The following TNFSF13B variants were observed in gnomAD, a reference collection of about 807,000 sequenced individuals.
TNFSF13B encodes the protein tumor necrosis factor ligand superfamily member 13B.
In TNFSF13B, 8 loss-of-function variants were observed where a neutral mutation model predicts 29.1. That is an observed-to-expected ratio of 0.27 (90% confidence interval 0.16 to 0.50). The LOEUF (loss-of-function observed/expected upper bound fraction) is 0.50, where lower values mean the gene tolerates loss of function less well. TNFSF13B is among the 20% of genes least tolerant of loss of function. The probability of loss-of-function intolerance (pLI) is 0.98; values close to 1 mark genes in which losing one functional copy is unlikely to be tolerated. For missense variants in TNFSF13B, 248 were observed against 334.9 expected (o/e 0.74, Z 2.03); for synonymous variants, 125 against 130.8 (o/e 0.96, Z 0.30).
intron 3 of TNFSF13B, among the ~76,000 whole-genome samples, chr13:108,291,321 A>T (rs1468801623): frequency 6.6e-6 from 1 of 151,902 alleles, no homozygotes; most frequent in African/African-American, 2.4e-5. Context: ...AATTAAGAAA[A>T]ATACCCTCAT....
rs575754716 is a variant in TNFSF13B at position 108,299,250 on chromosome 13, C to T, written c.482-4003C>T. On this transcript the variant is annotated intron_variant, in intron 3 of 5. Coordinates refer to ENST00000375887, the MANE Select transcript of TNFSF13B (RefSeq NM_006573.5). ...TTAGATCACTGGTAGAAAAGTGATT[C>T]GCTATTGAGTATTAATCTTGTAATA... Among the ~76,000 whole-genome samples, 81 of 145,626 alleles carry T rather than the reference C, an allele frequency of 5.6e-4. 10 individuals are homozygous for T. Among genetic ancestry groups the T allele is most frequent in the African/African-American group, 1.8e-3 (71 of 38,844 alleles).
At position 108,269,954 on chromosome 13, in the gene TNFSF13B, A is replaced by G; in HGVS notation, c.59A>G (p.Glu20Gly). 6.2e-7 allele frequency: 1 copy of G among 1,613,722 alleles called. No individual in the cohort carries two copies. Among genetic ancestry groups the G allele is most frequent in the Non-Finnish European group, 8.5e-7 (1 of 1,180,012 alleles). Residue 20 changes from glutamate to glycine, a missense_variant, in exon 1 of 6, where the codon GAA (glutamate) becomes GGA (glycine). This residue lies in a region of TNFSF13B where 186 missense variants were observed against 196.3 expected (regional missense o/e 0.95). Transcript: ENST00000375887. ...CTTACTTCTTGCCTTAAGAAAAGAG[A>G]AGAAATGAAACTGAAGGAGTGTGTT... ...SRLTSCLKKR[E>G]EMKLKECVSI...
At chr13:108,300,433 A>G (rs1480065458) in intron 3 of TNFSF13B, among the ~76,000 whole-genome samples, 1 of 152,142 alleles carries the variant, frequency 6.6e-6, no homozygotes, top group Non-Finnish European at 1.5e-5. Flanking sequence ...CCCTCCAAGC[A>G]TCAAATGAAT....
At chr13:108,292,792 T>C (rs1315919301) in intron 3 of TNFSF13B, among the ~76,000 whole-genome samples, 1 of 152,178 alleles carries the variant, frequency 6.6e-6, no homozygotes, top group African/African-American at 2.4e-5. Context: ...GTTGTTGAGT[T>C]GTAAAACTTC....
At chr13:108,282,236 C>T (rs1022559411) in intron 2 of TNFSF13B, among the ~76,000 whole-genome samples, 1 of 152,198 alleles carries the variant, frequency 6.6e-6, no homozygotes, top group Admixed American at 6.5e-5. Context: ...ATGGGATAAT[C>T]GTAATGGGAA....
intron 3 of TNFSF13B, among the ~76,000 whole-genome samples, chr13:108,294,903 G>C (rs1026251861): frequency 6.9e-6 from 1 of 144,780 alleles, no homozygotes; most frequent in Non-Finnish European, 1.5e-5. Context: ...GGTCTGTTTA[G>C]GTTTTTTATT....
rs768446396 is a variant in TNFSF13B, at chr13:108,303,490, C to G, written c.631C>G (p.Leu211Val). ...TGATAAGACCTACGCCATGGGACAT[C>G]TAATTCAGAGGAAGAAGGTCCATGT... is the stretch of plus-strand genomic sequence containing the variant. ...YTDKTYAMGH[L>V]IQRKKVHVFG... The change falls in exon 5 of 6, where the codon CTA becomes GTA. Residue 211 changes from leucine (L) to valine (V), a missense_variant. Physicochemically the swap from Leu to Val is conservative, Grantham distance 32. Transcript: ENST00000375887. 51 of 1,613,476 alleles carry G rather than the reference C, an allele frequency of 3.2e-5. No individual in the cohort carries two copies. Among genetic ancestry groups the G allele is most frequent in the Non-Finnish European group, 4.2e-5 (50 of 1,179,770 alleles).
intron 3 of TNFSF13B, among the ~76,000 whole-genome samples, 190 bp from the exon 4 acceptor site, chr13:108,303,063 T>C (rs1411398300): frequency 6.6e-6 from 1 of 152,192 alleles, no homozygotes; most frequent in African/African-American, 2.4e-5. Flanking sequence ...CAGGTTAACA[T>C]ATAAGTGATG....
chr13:108,301,643 C>T (rs61972016), intron 3 of TNFSF13B, among the ~76,000 whole-genome samples: 21,439 of 151,862 alleles, frequency 0.14, 1,896 homozygotes, highest in East Asian at 0.46. Flanking sequence ...GCTGGGGTGG[C>T]GGGGGTGGAG....
chr13:108,299,241 A>G (rs1881544021), intron 3 of TNFSF13B, among the ~76,000 whole-genome samples: 1 of 146,010 alleles, frequency 6.8e-6, no homozygotes, highest in Admixed American at 6.8e-5. Context: ...CACTGGTAGA[A>G]AAGTGATTCG....
Position 108,306,860 on chromosome 13 carries a change from A to T in TNFSF13B, c.780A>T (p.Gln260His). 1 of 1,611,302 alleles carries T rather than the reference A, an allele frequency of 6.2e-7. No individual in the cohort carries two copies. Among genetic ancestry groups the T allele is most frequent in the Non-Finnish European group, 8.5e-7 (1 of 1,178,444 alleles). Reference protein sequence around the residue: ...IAKLEEGDELQLAIPRENAQI... With the variant: ...IAKLEEGDELHLAIPRENAQI... The stretch of plus-strand genomic sequence containing the variant: ...AACTGGAAGAAGGAGATGAACTCCA[A>T]CTTGCAATACCAAGAGAAAATGCAC... The change falls in exon 6 of 6, where the codon CAA (glutamine) becomes CAT (histidine). Residue 260 changes from glutamine (Q) to histidine (H), a missense_variant. By Grantham distance (24) the Gln-to-His change is conservative. Transcript: ENST00000375887.
intron 2 of TNFSF13B, among the ~76,000 whole-genome samples, chr13:108,282,616 A>G (rs768915847): frequency 3.3e-5 from 5 of 152,126 alleles, no homozygotes; most frequent in Non-Finnish European, 7.4e-5. Context: ...TATTTTGGTA[A>G]TTTTATTTTG....
intron 2 of TNFSF13B, among the ~76,000 whole-genome samples, chr13:108,276,351 G>T (rs1880761816): frequency 6.6e-6 from 1 of 152,230 alleles, no homozygotes; most frequent in East Asian, 1.9e-4. Context: ...AGTGTTGCAA[G>T]AACTGGCTTC....
At chr13:108,280,236 G>A (rs75606293) in intron 2 of TNFSF13B, among the ~76,000 whole-genome samples, 2 of 152,230 alleles carry the variant, frequency 1.3e-5, no homozygotes, top group African/African-American at 2.4e-5. Context: ...GATTGAGAAG[G>A]CAGAAATCAG....
At position 108,306,979 on chromosome 13, in the gene TNFSF13B, C is replaced by A; in HGVS notation, c.*41C>A. 2 of 762,744 alleles carry A rather than the reference C, an allele frequency of 2.6e-6. No homozygotes were observed. The highest frequency in any genetic ancestry group is 1.6e-5 in the South Asian group (1 of 63,362). The allele number at this position is 762,744 out of a possible 1,614,324, so 47.2% of individuals were successfully genotyped here. On this transcript the variant is annotated 3_prime_UTR_variant, in exon 6 of 6. Transcript: ENST00000375887. ...TCTGTAGCTATTTTCCTCCCTTTCTCTGTACCTCTAAGAAGAAAGAATCTA... is the reference window on the plus strand; with the variant it reads ...TCTGTAGCTATTTTCCTCCCTTTCTATGTACCTCTAAGAAGAAAGAATCTA...
intron 3 of TNFSF13B, among the ~76,000 whole-genome samples, chr13:108,296,410 T>G (rs1465172888): frequency 2.1e-5 from 3 of 145,738 alleles, no homozygotes; most frequent in Non-Finnish European, 1.5e-5. Context: ...CCCTGTTATC[T>G]TTGGCTGCTA....
At chr13:108,283,974 G>A (rs576859665) in intron 2 of TNFSF13B, among the ~76,000 whole-genome samples, 1 of 152,258 alleles carries the variant, frequency 6.6e-6, no homozygotes, top group African/African-American at 2.4e-5. Context: ...GGGCAACACA[G>A]ACATTCAGAC....
In TNFSF13B at chr13:108,269,721, G is replaced by T; in HGVS notation, c.-175G>T. The T allele has an allele frequency of 1.6e-6, 1 of 619,406 alleles. No homozygotes were observed. Among genetic ancestry groups the T allele is most frequent in the Non-Finnish European group, 2.8e-6 (1 of 353,602 alleles). 38.4% of individuals were successfully genotyped at this position (619,406 alleles called of 1,614,324 possible). The stretch of plus-strand genomic sequence containing the variant: ...GCCAGCAAACCTACTGTACAGTAGG[G>T]GTAGAGATGCAGAAAGGCAGAAAGG... On this transcript the variant is annotated 5_prime_UTR_variant, in exon 1 of 6. Coordinates refer to ENST00000375887, the MANE Select transcript of TNFSF13B (RefSeq NM_006573.5).
chr13:108,305,158 T>C (rs1010596894), intron 5 of TNFSF13B, among the ~76,000 whole-genome samples: 14 of 152,112 alleles, frequency 9.2e-5, no homozygotes, highest in Non-Finnish European at 1.6e-4. Context: ...TGTATATGAG[T>C]ACCATCCTCT....
Sources: gnomAD v4.1 joint callset for allele counts (sites outside exome capture counted in the v4.1 genomes callset) on GRCh38, gnomAD v4.1.1 for gene constraint, gnomAD v4.1.1 regional missense constraint, MANE v1.5 for transcripts, NCBI Gene and HGNC (gene_info 2026-07-23, HGNC 2026-07-21) for gene names.